ITCH: variants seen among roughly 807,000 people sequenced by gnomAD.
ITCH encodes the protein itchy E3 ubiquitin protein ligase.
A neutral mutation model predicts 126.8 loss-of-function variants in ITCH; 28 were observed. The observed-to-expected ratio is 0.22, with a 90% confidence interval of 0.16 to 0.30. The LOEUF (loss-of-function observed/expected upper bound fraction) is 0.30, where lower values mean the gene tolerates loss of function less well. Ranked by LOEUF, ITCH falls within the 10% of genes least tolerant of loss-of-function variation. The pLI, the probability that ITCH is intolerant of heterozygous loss-of-function variation, is 1.00. For missense variants in ITCH, 631 were observed against 1,032.4 expected, an observed-to-expected ratio of 0.61 and a Z score of 5.33; for synonymous variants, 342 against 340.0, an observed-to-expected ratio of 1.01 and a Z score of -0.06.
At chr20:34,382,362 A>G (rs2038095962) in intron 2 of ITCH, among the ~76,000 whole-genome samples, 1 of 152,198 alleles carries the variant, frequency 6.6e-6, no homozygotes. Flanking sequence ...AAGTGCATAT[A>G]CATATTACTC....
At chr20:34,366,684 T>C (rs568983625) in intron 1 of ITCH, among the ~76,000 whole-genome samples, 11 of 151,444 alleles carry the variant, frequency 7.3e-5, no homozygotes, top group Non-Finnish European at 1.6e-4. Flanking sequence ...CTGGGCAACA[T>C]GGTGATATCC....
At chr20:34,409,237 A>G (rs1199043110) in intron 4 of ITCH, among the ~76,000 whole-genome samples, 1 of 148,018 alleles carries the variant, frequency 6.8e-6, no homozygotes. Flanking sequence ...CTGTCACCCA[A>G]GCTGGAGTAT....
Position 34,449,464 on chromosome 20 carries a change from A to T in ITCH, c.1194A>T (p.Pro398=), listed in dbSNP as rs1250177315. ...GTAAAGAATTTGATCCTCTTGGTCC[A>T]TTGCCACCTGGATGGGGTAAGTCAC... ...SQSKEFDPLG[P]LPPGWEKRTD... is the part of the protein sequence containing the mutation. Residue 398 remains proline, a synonymous_variant, in exon 12 of 25, where the codon CCA becomes CCT. Coordinates refer to ENST00000374864, the MANE Select transcript of ITCH (RefSeq NM_031483.7). 1 of 1,609,904 alleles carries T rather than the reference A, an allele frequency of 6.2e-7. No homozygotes were observed. The highest frequency in any genetic ancestry group is 8.5e-7 in the Non-Finnish European group (1 of 1,176,354).
intron 13 of ITCH, among the ~76,000 whole-genome samples, chr20:34,461,709 TAAAAAA>T (rs11469882): frequency 2.6e-5 from 2 of 78,400 alleles, no homozygotes; most frequent in South Asian, 5.3e-4. Flanking sequence ...ACTCCATCTA[TAAAAAA>T]AAAAAAAAAA....
At chr20:34,377,250 T>G (rs2037881888) in intron 2 of ITCH, among the ~76,000 whole-genome samples, 1 of 152,140 alleles carries the variant, frequency 6.6e-6, no homozygotes, top group South Asian at 2.1e-4. Flanking sequence ...GTTACACTCC[T>G]GTAGTCCTAG....
At chr20:34,394,142 G>T (rs1271319359) in intron 3 of ITCH, among the ~76,000 whole-genome samples, 1 of 147,502 alleles carries the variant, frequency 6.8e-6, no homozygotes, top group African/African-American at 2.5e-5. Context: ...ACTTTGGGAG[G>T]TAGAGGTTGC....
At chr20:34,405,141 C>CA (rs1170286039) in intron 3 of ITCH, among the ~76,000 whole-genome samples, 30,256 of 57,732 alleles carry the variant, frequency 0.52, 7,268 homozygotes, top group East Asian at 0.57. Context: ...GACCCTGTCT[C>CA]AAAAAAAAAA....
At chr20:34,475,105 G>A (rs1220764970) in intron 16 of ITCH, among the ~76,000 whole-genome samples, 3 of 151,708 alleles carry the variant, frequency 2.0e-5, no homozygotes, top group Non-Finnish European at 2.9e-5. Context: ...GATGGCGGCC[G>A]GGAAGAGGCG....
chr20:34,443,449 G>T (rs1984030221), intron 10 of ITCH, among the ~76,000 whole-genome samples: 1 of 151,754 alleles, frequency 6.6e-6, no homozygotes, highest in Non-Finnish European at 1.5e-5. Flanking sequence ...TGGAGGTGCA[G>T]TGAGCTGAGA....
At chr20:34,368,742 A>T (rs2037511284) in intron 1 of ITCH, among the ~76,000 whole-genome samples, 1 of 152,122 alleles carries the variant, frequency 6.6e-6, no homozygotes, top group Non-Finnish European at 1.5e-5. Context: ...TTCAGAACTG[A>T]CTATATCCAG....
chr20:34,467,898 C>T (rs1286397009), intron 14 of ITCH, among the ~76,000 whole-genome samples: 1 of 151,690 alleles, frequency 6.6e-6, no homozygotes, highest in East Asian at 1.9e-4. Flanking sequence ...CTGCATTCCA[C>T]CCTGGGTGAC....
intron 23 of ITCH, among the ~76,000 whole-genome samples, chr20:34,499,250 A>G (rs1394499011): frequency 8.2e-6 from 1 of 121,710 alleles, no homozygotes; most frequent in East Asian, 2.7e-4. Context: ...CTGGGATTAC[A>G]GGCGTGAGCC....
chr20:34,425,092 T>C (rs1981320260), intron 7 of ITCH, among the ~76,000 whole-genome samples: 2 of 152,212 alleles, frequency 1.3e-5, no homozygotes. Context: ...TAAGAAAAAT[T>C]GTTCTGCTTT....
At chr20:34,401,001 C>G (rs1266062668) in intron 3 of ITCH, among the ~76,000 whole-genome samples, 2 of 152,100 alleles carry the variant, frequency 1.3e-5, no homozygotes. Context: ...TCAAGTGATT[C>G]ACCCACCTCG....
Position 34,377,622 on chromosome 20 carries a change from G to C in ITCH, c.-22+8152G>C, listed in dbSNP as rs969322179. On this transcript the variant is annotated intron_variant, in intron 2 of 24. Coordinates refer to ENST00000374864, the MANE Select transcript of ITCH (RefSeq NM_031483.7). Reference sequence around the variant, plus strand: ...CTTACACCTGTAATCCCAGCACTTTGAGAGTCCAAGGTGGGCAGATCGCTT... The same window carrying C: ...CTTACACCTGTAATCCCAGCACTTTCAGAGTCCAAGGTGGGCAGATCGCTT... 3.9e-5 allele frequency among the ~76,000 whole-genome samples: 6 copies of C among 152,000 alleles called. No homozygotes were observed. In the East Asian group the frequency reaches 1.2e-3, roughly 29 times the overall value.
intron 2 of ITCH, among the ~76,000 whole-genome samples, chr20:34,379,528 T>C (rs1456534989): frequency 2.0e-5 from 3 of 152,084 alleles, no homozygotes; most frequent in Non-Finnish European, 4.4e-5. Flanking sequence ...TATTCTGTTT[T>C]CTGTCTCTGT....
At chr20:34,506,383 T>A (rs1250182696) in intron 24 of ITCH, among the ~76,000 whole-genome samples, 2 of 152,328 alleles carry the variant, frequency 1.3e-5, no homozygotes, top group African/African-American at 4.8e-5. Flanking sequence ...CTTGTAAAAT[T>A]GAAATGGTAC....
intron 7 of ITCH, among the ~76,000 whole-genome samples, chr20:34,426,136 G>A: frequency 6.6e-6 from 1 of 152,270 alleles, no homozygotes; most frequent in East Asian, 1.9e-4. Context: ...TAACCACAGA[G>A]TGCAGTGATT....
chr20:34,365,539 G>A (rs996956972), intron 1 of ITCH, among the ~76,000 whole-genome samples: 4 of 151,892 alleles, frequency 2.6e-5, no homozygotes, highest in East Asian at 1.9e-4. Context: ...CTCAGCCTCC[G>A]TAGTAGCTGG....
Sources: gnomAD v4.1 joint callset for allele counts (sites outside exome capture counted in the v4.1 genomes callset) on GRCh38, gnomAD v4.1.1 for gene constraint, MANE v1.5 for transcripts, NCBI Gene and HGNC (gene_info 2026-07-23, HGNC 2026-07-21) for gene names.